The following CLCF1 variants were observed in gnomAD, a reference collection of about 807,000 sequenced individuals.
The protein encoded by CLCF1 is cardiotrophin like cytokine factor 1.
Under a neutral mutation model 21.2 loss-of-function variants are expected in CLCF1, and 10 were observed. The observed-to-expected ratio is 0.47, with a 90% CI of 0.29 to 0.80. The LOEUF (loss-of-function observed/expected upper bound fraction) is 0.80, where lower values mean the gene tolerates loss of function less well. Among genes scored for constraint, CLCF1 ranks in the 30% least tolerant of loss-of-function variants. The pLI, the probability that CLCF1 is intolerant of heterozygous loss-of-function variation, is 0.09. For synonymous variants in CLCF1, 115 were observed against 120.5 expected, an observed-to-expected ratio of 0.95 and a Z score of 0.30; for missense variants, 240 against 293.4, an observed-to-expected ratio of 0.82 and a Z score of 1.33.
chr11:67,373,663 T>C, upstream of CLCF1: 1 of 1,254,522 alleles, frequency 8.0e-7, no homozygotes, highest in Non-Finnish European at 1.0e-6. Flanking sequence ...CAGGTTTTTT[T>C]CGCTCGGTTT....
chr11:67,367,113 C>T (rs1345281405), intron 2 of CLCF1, among the ~76,000 whole-genome samples: 1 of 152,070 alleles, frequency 6.6e-6, no homozygotes, highest in Admixed American at 6.5e-5. Flanking sequence ...TGGGGCCCCT[C>T]TGTCCCCACC....
chr11:67,369,636 C>A, intron 1 of CLCF1: 2 of 985,456 alleles, frequency 2.0e-6, no homozygotes, highest in Non-Finnish European at 2.4e-6. Flanking sequence ...CCCTCCCAGC[C>A]TTGAGGTCGC....
intron 1 of CLCF1, 75 bp from the exon 2 acceptor site, chr11:67,367,701 G>A: frequency 1.3e-6 from 2 of 1,559,234 alleles, no homozygotes; most frequent in Non-Finnish European, 1.7e-6. Flanking sequence ...CCCCTCAGGT[G>A]TCTGTCCCCA....
In CLCF1 at chr11:67,365,261, AGTC is replaced by A; in HGVS notation, c.550_552del (p.Asp184del). On this transcript the variant is annotated inframe_deletion, in exon 3 of 3. Transcript: ENST00000312438. This position sits in a 1 kb window ranked among gnomAD's most constrained non-coding sequence, Gnocchi z 5.0. ...GTCTGCAGCTCCTTCAGCAGCCAGA[AGTC>A]GTCCATCTTCTGGAGGAAGTCACTG... 1 of 1,613,998 alleles carries A rather than the reference AGTC, an allele frequency of 6.2e-7. No homozygotes were observed. The highest frequency in any genetic ancestry group is 8.5e-7 in the Non-Finnish European group (1 of 1,180,022).
chr11:67,368,073 CAT>C, intron 1 of CLCF1: 1 of 985,362 alleles, frequency 1.0e-6, no homozygotes, highest in Non-Finnish European at 1.2e-6. Flanking sequence ...GGAGACAGCA[CAT>C]GTCAGAGCTG....
chr11:67,365,341 A>G lies in CLCF1; in HGVS notation c.473T>C (p.Leu158Pro). 6.2e-7 allele frequency: 1 copy of G among 1,613,310 alleles called. No homozygotes were observed. Among genetic ancestry groups the G allele is most frequent in the South Asian group, 1.1e-5 (1 of 91,080 alleles). Residue 158 changes from leucine (L) to proline (P), a missense_variant, in exon 3 of 3, where the codon CTG becomes CCG. Leu to Pro is a moderately conservative substitution (Grantham distance 98, BLOSUM62 -3). Transcript: ENST00000312438. This position sits in a 1 kb window ranked among gnomAD's most constrained non-coding sequence, Gnocchi z 5.0. ...AGVMAALGYP[L>P]PQPLPGTEPT... ...TTCAGTCCCAGGCAGCGGCTGGGGCAGTGGGTAGCCCAGAGCTGCCATGAC... is the reference window on the plus strand; with the variant it reads ...TTCAGTCCCAGGCAGCGGCTGGGGCGGTGGGTAGCCCAGAGCTGCCATGAC...
chr11:67,369,980 T>C, intron 1 of CLCF1: 1 of 985,142 alleles, frequency 1.0e-6, no homozygotes, highest in Non-Finnish European at 1.2e-6. Context: ...CAGGAATATT[T>C]CAGTTCTGAG....
At chr11:67,370,901 A>G (rs1032234756) in intron 1 of CLCF1, 3 of 985,334 alleles carry the variant, frequency 3.0e-6, no homozygotes, top group African/African-American at 3.5e-5. Context: ...TGTTGCAGCC[A>G]GGGAGGCACT....
In CLCF1 at chr11:67,365,415, C is replaced by T. The variant is rs1862074400; in HGVS notation, c.399G>A (p.Leu133=). ...CCTGGAGGCTGGTGCAGAAGTGGGCCAGGCTGCGGCGCAGCTCAGCAGTGG... is the reference window on the plus strand; with the variant it reads ...CCTGGAGGCTGGTGCAGAAGTGGGCTAGGCTGCGGCGCAGCTCAGCAGTGG... ...QAATAELRRS[L]AHFCTSLQGL... is the part of the protein sequence containing the mutation. The change falls in exon 3 of 3, where the codon CTG becomes CTA. Residue 133 remains leucine (L), a synonymous_variant. Coordinates refer to ENST00000312438, the MANE Select transcript of CLCF1 (RefSeq NM_013246.3). The surrounding 1 kb of genome is among the most constrained non-coding windows in gnomAD (Gnocchi z 5.0). The T allele has an allele frequency of 6.2e-7, 1 of 1,613,394 alleles. No homozygotes were observed. Among genetic ancestry groups the T allele is most frequent in the Non-Finnish European group, 8.5e-7 (1 of 1,179,764 alleles).
intron 1 of CLCF1, chr11:67,370,372 G>T: frequency 1.0e-6 from 1 of 984,926 alleles, no homozygotes; most frequent in Non-Finnish European, 1.2e-6. Context: ...TGTGTCCTAG[G>T]TCCCCCTCTC....
rs1862256432 is a variant in CLCF1 at position 67,372,401 on chromosome 11, A to C, written c.16+1123T>G. On this transcript the variant is annotated intron_variant, in intron 1 of 2. Coordinates refer to ENST00000312438, the MANE Select transcript of CLCF1 (RefSeq NM_013246.3). This position sits in a 1 kb window ranked among gnomAD's most constrained non-coding sequence, Gnocchi z 5.9. ...AGGAAGGCGGGTGGGGAGAGCAAGC[A>C]TGAGGGGACCTCTGGCGAGCCCCGG... 6.6e-6 allele frequency among the ~76,000 whole-genome samples: 1 copy of C among 152,026 alleles called. No individual in the cohort carries two copies. The highest frequency in any genetic ancestry group is 1.5e-5 in the Non-Finnish European group (1 of 67,956).
intron 1 of CLCF1, 111 bp from the exon 2 acceptor site, chr11:67,367,737 T>G (rs2134883332): frequency 6.6e-7 from 1 of 1,524,032 alleles, no homozygotes. Flanking sequence ...GGGGTGAGGG[T>G]GGGACACCAG....
At chr11:67,369,540 AG>A in intron 1 of CLCF1, 1 of 985,400 alleles carries the variant, frequency 1.0e-6, no homozygotes, top group Non-Finnish European at 1.2e-6. Context: ...CTCCAAGCCT[AG>A]GGATCTGGCA....
chr11:67,369,902 G>A (rs574050260), intron 1 of CLCF1: 2 of 982,824 alleles, frequency 2.0e-6, no homozygotes, highest in Non-Finnish European at 2.4e-6. Context: ...CCTTTGGATA[G>A]ACAAGAACTA....
At chr11:67,371,030 G>C in intron 1 of CLCF1, 1 of 985,378 alleles carries the variant, frequency 1.0e-6, no homozygotes. Flanking sequence ...GAGGGGAATT[G>C]AGGGATGGAG....
At chr11:67,366,684 G>A (rs1474124278) in intron 2 of CLCF1, among the ~76,000 whole-genome samples, 1 of 152,016 alleles carries the variant, frequency 6.6e-6, no homozygotes, top group African/African-American at 2.4e-5. Flanking sequence ...AGGTTCACAC[G>A]CTGACAAGCA....
At chr11:67,370,549 C>T (rs1017754804) in intron 1 of CLCF1, 34 of 984,802 alleles carry the variant, frequency 3.5e-5, no homozygotes, top group Non-Finnish European at 4.0e-5. Flanking sequence ...AGCCCCCCAC[C>T]CCCGGCCAGC....
chr11:67,373,523 C>T lies in CLCF1; in HGVS notation c.16+1G>A. 1.4e-6 allele frequency: 2 copies of T among 1,426,266 alleles called. No homozygotes were observed. Among genetic ancestry groups the T allele is most frequent in the African/African-American group, 1.5e-5 (1 of 67,326 alleles). The allele number at this position is 1,426,266 out of a possible 1,614,324, so 88.4% of individuals were successfully genotyped here. On this transcript the variant is annotated splice_donor_variant, in intron 1 of 2. Transcript: ENST00000312438. LOFTEE classifies it high-confidence loss of function. ...CGGGGCCTCGGCCGCCTGGCTCCTA[C>T]CTGCTCGGAGGTCCATGGGGCTGGG...
At chr11:67,369,817 C>A (rs756948632) in intron 1 of CLCF1, 13 of 985,442 alleles carry the variant, frequency 1.3e-5, no homozygotes, top group Non-Finnish European at 1.6e-5. Flanking sequence ...CAGAACTTAC[C>A]CTCTCCCATT....
Sources: allele counts gnomAD v4.1 joint callset (sites outside exome capture counted in the v4.1 genomes callset), GRCh38; gene constraint gnomAD v4.1.1; non-coding constraint Gnocchi (gnomAD v3.1); transcripts MANE v1.5; gene names NCBI Gene and HGNC (gene_info 2026-07-23, HGNC 2026-07-21).